The following RXFP2 variants were observed in gnomAD, a reference collection of about 807,000 sequenced individuals.
RXFP2 encodes the protein relaxin family peptide receptor 2.
In RXFP2, 68 loss-of-function variants were observed where a neutral mutation model predicts 88.6. The ratio of observed to expected loss-of-function variants is 0.77; its 90% CI spans 0.63 to 0.94. RXFP2 has a LOEUF of 0.94. RXFP2 is among the 40% of genes least tolerant of loss of function. The pLI is 0.00. For missense variants in RXFP2, 791 were observed against 893.9 expected (o/e 0.88, Z 1.47); for synonymous variants, 329 against 306.8 (o/e 1.07, Z -0.76).
At chr13:31,774,767 G>C in intron 6 of RXFP2, 76 bp downstream of exon 6, 1 of 832,574 alleles carries the variant, frequency 1.2e-6, no homozygotes, top group Non-Finnish European at 2.1e-6. Context: ...CTTTTTCAAG[G>C]CTCGACTTGA....
At chr13:31,768,564 TC>T (rs1872632601) in intron 5 of RXFP2, among the ~76,000 whole-genome samples, 2 of 152,166 alleles carry the variant, frequency 1.3e-5, no homozygotes, top group Admixed American at 6.6e-5. Context: ...GAGATTGGCC[TC>T]AAACCCAAAC....
At position 31,789,125 on chromosome 13, in the gene RXFP2, C is replaced by T; in HGVS notation, c.1077C>T (p.Asp359=). ...ACCTATCGTGTGTATTTTCCAGAGA[C>T]CTGGAAAGGATAGAGATTCCAAATA... The part of the protein sequence containing the change: ...FESLKQLQSL[D]LERIEIPNIN... The change falls in exon 14 of 18, where the codon GAC becomes GAT. Residue 359 remains aspartate, a synonymous_variant. Coordinates refer to ENST00000298386, the MANE Select transcript of RXFP2 (RefSeq NM_130806.5). The T allele has an allele frequency of 6.3e-7, 1 of 1,597,340 alleles. No individual in the cohort carries two copies. Among genetic ancestry groups the T allele is most frequent in the South Asian group, 1.1e-5 (1 of 90,744 alleles).
At chr13:31,792,121 C>T in intron 15 of RXFP2, 86 bp downstream of exon 15, 1 of 986,916 alleles carries the variant, frequency 1.0e-6, no homozygotes, top group Non-Finnish European at 1.5e-6. Flanking sequence ...TGGCTTTCAA[C>T]AAATGGCATT....
At chr13:31,796,038 CTTTTTTTT>C (rs776535132) in intron 16 of RXFP2, among the ~76,000 whole-genome samples, 5 of 36,980 alleles carry the variant, frequency 1.4e-4, no homozygotes, top group African/African-American at 4.9e-4. Context: ...ATGTGTTATT[CTTTTTTTT>C]TTTTTTTTTT....
chr13:31,776,077 T>C (rs1450036978), intron 7 of RXFP2, among the ~76,000 whole-genome samples: 33 of 111,478 alleles, frequency 3.0e-4, no homozygotes, highest in Non-Finnish European at 4.1e-4. Context: ...TCTTTCTTTC[T>C]TTCCTTCCTT....
chr13:31,766,288 C>A (rs1477641393), intron 5 of RXFP2, among the ~76,000 whole-genome samples: 3 of 151,848 alleles, frequency 2.0e-5, no homozygotes, highest in Non-Finnish European at 4.4e-5. Flanking sequence ...GGAAAATACA[C>A]AGTTCCATTA....
At chr13:31,749,416 C>G (rs370884516) in intron 1 of RXFP2, among the ~76,000 whole-genome samples, 1 of 152,184 alleles carries the variant, frequency 6.6e-6, no homozygotes, top group Non-Finnish European at 1.5e-5. Flanking sequence ...CCTGGCTCTT[C>G]GTGTTCTTTT....
chr13:31,752,148 C>CT (rs1395918748), intron 1 of RXFP2, among the ~76,000 whole-genome samples: 1 of 152,234 alleles, frequency 6.6e-6, no homozygotes, highest in East Asian at 1.9e-4. Flanking sequence ...TTGAAATTCT[C>CT]TTTTTTTCCA....
chr13:31,782,818 A>G, intron 11 of RXFP2, 71 bp downstream of exon 11: 1 of 988,468 alleles, frequency 1.0e-6, no homozygotes. Context: ...GACTAGTGAG[A>G]CTGCTTTGCC....
intron 3 of RXFP2, among the ~76,000 whole-genome samples, chr13:31,762,053 A>C (rs1872326509): frequency 6.6e-6 from 1 of 152,244 alleles, no homozygotes; most frequent in South Asian, 2.1e-4. Flanking sequence ...TAATTGTGAC[A>C]AATAGTAAAG....
intron 1 of RXFP2, among the ~76,000 whole-genome samples, chr13:31,747,198 T>C (rs1871461582): frequency 6.6e-6 from 1 of 152,174 alleles, no homozygotes; most frequent in South Asian, 2.1e-4. Flanking sequence ...GAATAAAGCA[T>C]GAGAAAATTA....
At chr13:31,774,464 C>G (rs1394636189) in intron 5 of RXFP2, among the ~76,000 whole-genome samples, 156 bp from the exon 6 acceptor site, 1 of 152,140 alleles carries the variant, frequency 6.6e-6, no homozygotes, top group Non-Finnish European at 1.5e-5. Context: ...TAGTTGGTAG[C>G]CATTTCTCAC....
chr13:31,782,297 G>GTT (rs1873321064), intron 10 of RXFP2, among the ~76,000 whole-genome samples: 1 of 152,132 alleles, frequency 6.6e-6, no homozygotes, highest in Non-Finnish European at 1.5e-5. Context: ...AAACATCAGT[G>GTT]TTTTGGTTTT....
chr13:31,744,012 C>T (rs552055250), intron 1 of RXFP2, among the ~76,000 whole-genome samples: 1 of 152,294 alleles, frequency 6.6e-6, no homozygotes, highest in Admixed American at 6.5e-5. Flanking sequence ...CCTGTCTTTG[C>T]CGAGCTCCCT....
intron 1 of RXFP2, among the ~76,000 whole-genome samples, chr13:31,745,674 T>C (rs1379689858): frequency 6.6e-6 from 1 of 152,226 alleles, no homozygotes; most frequent in Admixed American, 6.5e-5. Flanking sequence ...TCATGTTCTA[T>C]GGAGAGCTTT....
intron 7 of RXFP2, among the ~76,000 whole-genome samples, chr13:31,775,796 A>T (rs1195344469): frequency 6.6e-6 from 1 of 152,244 alleles, no homozygotes; most frequent in Non-Finnish European, 1.5e-5. Flanking sequence ...TGAAAACATG[A>T]TAGCTTGTAG....
chr13:31,791,908 T>C lies in RXFP2; in HGVS notation c.1248T>C (p.Asn416=). Residue 416 remains asparagine, a synonymous_variant, in exon 15 of 18, where the codon AAT becomes AAC. Coordinates refer to ENST00000298386, the MANE Select transcript of RXFP2 (RefSeq NM_130806.5). ...CATTTGAGGACCTCTTGGCTAACAA[T>C]ATCCTCAGAATATTTGTCTGGGTTA... The part of the protein sequence containing the change: ...ISSFEDLLAN[N]ILRIFVWVIA... The C allele has an allele frequency of 1.2e-6, 2 of 1,614,076 alleles. No individual in the cohort carries two copies. The highest frequency in any genetic ancestry group is 1.7e-6 in the Non-Finnish European group (2 of 1,179,894).
intron 7 of RXFP2, among the ~76,000 whole-genome samples, 158 bp from the exon 8 acceptor site, chr13:31,777,218 G>A (rs561288277): frequency 4.1e-4 from 62 of 152,258 alleles, no homozygotes; most frequent in African/African-American, 1.4e-3. Context: ...GGAGGAAAGA[G>A]TTGCTCCAAC....
intron 15 of RXFP2, 106 bp downstream of exon 15, chr13:31,792,141 T>C (rs996046528): frequency 2.0e-5 from 17 of 843,312 alleles, no homozygotes; most frequent in Non-Finnish European, 3.2e-5. Context: ...TTAATGTGAA[T>C]TATACATCCT....
Sources: allele counts gnomAD v4.1 joint callset (sites outside exome capture counted in the v4.1 genomes callset), GRCh38; gene constraint gnomAD v4.1.1; transcripts MANE v1.5; gene names NCBI Gene and HGNC (gene_info 2026-07-23, HGNC 2026-07-21).